The following ACOT12 variants were observed in gnomAD, a reference collection of about 807,000 sequenced individuals.
ACOT12 encodes the protein acetyl-coenzyme A thioesterase.
ACOT12 carries 51 observed loss-of-function variants against 67.7 expected under a neutral mutation model. That is an observed-to-expected ratio of 0.75 (90% CI 0.60 to 0.95). The LOEUF is 0.95. ACOT12 is among the 40% of genes least tolerant of loss of function. The pLI, the probability that ACOT12 is intolerant of heterozygous loss-of-function variation, is 0.00. For synonymous variants in ACOT12, 251 were observed against 244.6 expected (o/e 1.03, Z -0.24); for missense variants, 734 against 708.1 (o/e 1.04, Z -0.41).
intron 3 of ACOT12, 81 bp from the exon 4 acceptor site, chr5:81,363,970 C>T (rs999488412): frequency 1.3e-6 from 1 of 785,208 alleles, no homozygotes; most frequent in Non-Finnish European, 1.8e-6. Flanking sequence ...ATGTATGCAC[C>T]ATTACCTTCT....
At chr5:81,337,783 A>G (rs1759050398) in intron 11 of ACOT12, among the ~76,000 whole-genome samples, 2 of 152,180 alleles carry the variant, frequency 1.3e-5, no homozygotes, top group South Asian at 2.1e-4. Context: ...TAATGTGTCC[A>G]CTACCCAGTT....
intron 11 of ACOT12, among the ~76,000 whole-genome samples, chr5:81,337,677 G>T (rs938547102): frequency 2.0e-5 from 3 of 152,202 alleles, no homozygotes; most frequent in Admixed American, 2.0e-4. Context: ...AGACAAGCAT[G>T]GAACAGATTG....
At chr5:81,309,104 C>G in the ACOT12 span, 1 of 1,171,502 alleles carries the variant, frequency 8.5e-7, no homozygotes, top group South Asian at 1.6e-5. Flanking sequence ...TTAATTTACA[C>G]TCAATCACAG....
chr5:81,365,424 C>T (rs1254845755), intron 3 of ACOT12, among the ~76,000 whole-genome samples: 2 of 152,126 alleles, frequency 1.3e-5, no homozygotes, highest in African/African-American at 4.8e-5. Flanking sequence ...AACCCTCAAT[C>T]CCACACAGCT....
chr5:81,336,145 C>T (rs939117049), intron 11 of ACOT12, among the ~76,000 whole-genome samples: 1 of 151,972 alleles, frequency 6.6e-6, no homozygotes, highest in African/African-American at 2.4e-5. Context: ...TTAATTATTG[C>T]ACAACAGTTT....
At chr5:81,342,003 T>A (rs532468696) in intron 11 of ACOT12, among the ~76,000 whole-genome samples, 176 of 143,504 alleles carry the variant, frequency 1.2e-3, no homozygotes, top group African/African-American at 2.8e-3. Context: ...TTATTTATTT[T>A]TTTTAGAGAC....
At chr5:81,336,603 G>A (rs1759011676) in intron 11 of ACOT12, among the ~76,000 whole-genome samples, 2 of 152,168 alleles carry the variant, frequency 1.3e-5, no homozygotes, top group African/African-American at 2.4e-5. Context: ...GCTACTCTGA[G>A]CTTTTCTTCT....
At chr5:81,337,991 G>A (rs1759057441) in intron 11 of ACOT12, among the ~76,000 whole-genome samples, 1 of 152,198 alleles carries the variant, frequency 6.6e-6, no homozygotes. Flanking sequence ...TACTGGATGA[G>A]CAAATTCGAT....
At chr5:81,345,739 TA>T (rs1263276805) in intron 7 of ACOT12, 145 bp downstream of exon 7, 1 of 1,108,096 alleles carries the variant, frequency 9.0e-7, no homozygotes, top group African/African-American at 1.6e-5. Context: ...AACAAAGGGT[TA>T]AAAATATGTT....
intron 5 of ACOT12, among the ~76,000 whole-genome samples, chr5:81,352,098 G>A (rs982132753): frequency 6.6e-6 from 1 of 152,114 alleles, no homozygotes; most frequent in African/African-American, 2.4e-5. Context: ...CCCAAAGACA[G>A]GCAATAACCA....
At chr5:81,344,129 C>A (rs775511289) in intron 9 of ACOT12, 31 bp downstream of exon 9, 2 of 1,607,022 alleles carry the variant, frequency 1.2e-6, no homozygotes, top group East Asian at 4.5e-5. Flanking sequence ...AACGAAGACT[C>A]CATAAAATCA....
rs925547161 is a variant in ACOT12, at chr5:81,393,951, G to A, written c.127+37C>T. 1.5e-5 allele frequency: 19 copies of A among 1,298,860 alleles called. No homozygotes were observed. In the South Asian group the frequency reaches 2.8e-4, roughly 19 times the overall value. The allele number at this position is 1,298,860 out of a possible 1,614,324, so 80.5% of individuals were successfully genotyped here. ...CAGCCGCCGCCGCTCCCGCAGCCCCGGTCCCGCGCCTCCCCGCAGCCCCGG... is the reference window on the plus strand; with the variant it reads ...CAGCCGCCGCCGCTCCCGCAGCCCCAGTCCCGCGCCTCCCCGCAGCCCCGG... On this transcript the variant is annotated intron_variant, in intron 1 of 14. Transcript: ENST00000307624.
At chr5:81,378,437 A>C (rs895180470) in intron 2 of ACOT12, among the ~76,000 whole-genome samples, 16 of 152,222 alleles carry the variant, frequency 1.1e-4, no homozygotes, top group African/African-American at 3.9e-4. Context: ...CAAAGACTTC[A>C]TGACTAAAAC....
intron 1 of ACOT12, among the ~76,000 whole-genome samples, chr5:81,386,197 G>T (rs903141028): frequency 6.6e-6 from 1 of 152,112 alleles, no homozygotes; most frequent in Non-Finnish European, 1.5e-5. Flanking sequence ...AGCATCACAG[G>T]TGTAGCCACT....
chr5:81,386,224 A>G (rs532640056), intron 1 of ACOT12, among the ~76,000 whole-genome samples: 10 of 152,346 alleles, frequency 6.6e-5, no homozygotes, highest in African/African-American at 2.2e-4. Context: ...CATAACCAGT[A>G]GCAGAATCTG....
At chr5:81,350,214 C>T (rs948242397) in intron 5 of ACOT12, among the ~76,000 whole-genome samples, 1 of 152,168 alleles carries the variant, frequency 6.6e-6, no homozygotes. Context: ...TTAACTCTTT[C>T]AGATCTATCT....
the ACOT12 span, among the ~76,000 whole-genome samples, chr5:81,322,244 CATAAA>C: frequency 6.6e-6 from 1 of 151,826 alleles, no homozygotes; most frequent in Non-Finnish European, 1.5e-5. Flanking sequence ...ATTGCAGAAC[CATAAA>C]ATAAGGAGAT....
chr5:81,311,772 AC>A, the ACOT12 span, among the ~76,000 whole-genome samples: 1 of 152,196 alleles, frequency 6.6e-6, no homozygotes, highest in African/African-American at 2.4e-5. Context: ...CTGATGAAAT[AC>A]CAGCCTTATT....
chr5:81,326,837 C>A (rs1295887306), downstream of ACOT12, among the ~76,000 whole-genome samples: 1 of 152,176 alleles, frequency 6.6e-6, no homozygotes, highest in East Asian at 1.9e-4. Context: ...TGTAGCCTGG[C>A]ACACTCAGCA....
Sources: gnomAD v4.1 joint callset for allele counts (sites outside exome capture counted in the v4.1 genomes callset) on GRCh38, gnomAD v4.1.1 for gene constraint, MANE v1.5 for transcripts, NCBI Gene and HGNC (gene_info 2026-07-23, HGNC 2026-07-21) for gene names.